IQGAP2: variants seen among roughly 807,000 people sequenced by gnomAD.
The protein encoded by IQGAP2 is ras GTPase-activating-like protein IQGAP2.
A neutral mutation model predicts 201.3 loss-of-function variants in IQGAP2; 173 were observed. The ratio of observed to expected loss-of-function variants is 0.86; its 90% CI spans 0.76 to 0.98. IQGAP2 has a LOEUF of 0.98. Among genes scored for constraint, IQGAP2 ranks in the 50% least tolerant of loss-of-function variants. The probability of loss-of-function intolerance (pLI) is 0.00; values close to 1 mark genes in which losing one functional copy is unlikely to be tolerated. For synonymous variants in IQGAP2, 675 were observed against 673.9 expected (o/e 1.00, Z -0.03); for missense variants, 1,687 against 1,864.8 (o/e 0.90, Z 1.76).
chr5:76,560,647 A>G (rs1483952395), intron 2 of IQGAP2, among the ~76,000 whole-genome samples: 2 of 152,158 alleles, frequency 1.3e-5, no homozygotes, highest in Non-Finnish European at 2.9e-5. Flanking sequence ...CTTTACTCCC[A>G]AACTTTTTCT....
intron 13 of IQGAP2, among the ~76,000 whole-genome samples, chr5:76,620,940 T>C (rs1009834898): frequency 6.6e-6 from 1 of 152,230 alleles, no homozygotes; most frequent in Non-Finnish European, 1.5e-5. Flanking sequence ...AGCTCAAACC[T>C]GAACATTTAT....
chr5:76,464,602 G>T (rs1754670699), intron 2 of IQGAP2, among the ~76,000 whole-genome samples: 1 of 152,122 alleles, frequency 6.6e-6, no homozygotes, highest in Non-Finnish European at 1.5e-5. Flanking sequence ...AAGGTATCTA[G>T]TTTGTATATC....
At chr5:76,404,196 T>A (rs1184784960) in intron 1 of IQGAP2, among the ~76,000 whole-genome samples, 1 of 148,418 alleles carries the variant, frequency 6.7e-6, no homozygotes, top group African/African-American at 2.5e-5. Context: ...CCCGCTCCCC[T>A]CGCGCGGGAG....
intron 27 of IQGAP2, among the ~76,000 whole-genome samples, chr5:76,675,817 A>T (rs773487183): frequency 6.6e-6 from 1 of 152,024 alleles, no homozygotes; most frequent in Non-Finnish European, 1.5e-5. Flanking sequence ...AAATCCTCCT[A>T]CTACAGAAAG....
intron 30 of IQGAP2, among the ~76,000 whole-genome samples, chr5:76,685,081 C>G (rs1362005259): frequency 6.6e-6 from 1 of 152,152 alleles, no homozygotes; most frequent in Non-Finnish European, 1.5e-5. Flanking sequence ...GTGGAGAGCA[C>G]AGTTCGACAG....
chr5:76,617,883 A>G, intron 13 of IQGAP2: 1 of 1,614,166 alleles, frequency 6.2e-7, no homozygotes, highest in Non-Finnish European at 8.5e-7. Flanking sequence ...GATAAGCACA[A>G]ATGGAATTAA....
At chr5:76,688,185 A>T (rs191232302) in intron 30 of IQGAP2, among the ~76,000 whole-genome samples, 3 of 152,370 alleles carry the variant, frequency 2.0e-5, no homozygotes, top group African/African-American at 7.2e-5. Flanking sequence ...TTTATAAGTT[A>T]TGAAGTGGAC....
chr5:76,571,760 A>G (rs1745132941), intron 4 of IQGAP2, among the ~76,000 whole-genome samples: 2 of 152,240 alleles, frequency 1.3e-5, no homozygotes, highest in South Asian at 2.1e-4. Context: ...TAGTACTTCT[A>G]TGTTTATCCT....
intron 2 of IQGAP2, among the ~76,000 whole-genome samples, chr5:76,518,317 T>G (rs1035717712): frequency 6.6e-6 from 1 of 152,140 alleles, no homozygotes; most frequent in African/African-American, 2.4e-5. Context: ...AGCCTCAAGA[T>G]CATTGCAGAC....
intron 2 of IQGAP2, among the ~76,000 whole-genome samples, chr5:76,520,727 G>A (rs865880569): frequency 9.1e-5 from 7 of 76,864 alleles, no homozygotes; most frequent in Admixed American, 3.3e-4. Context: ...TTTTTGAAAC[G>A]GAGTCTCACT....
At chr5:76,536,558 A>G (rs1759632980) in intron 2 of IQGAP2, among the ~76,000 whole-genome samples, 1 of 151,560 alleles carries the variant, frequency 6.6e-6, no homozygotes, top group South Asian at 2.1e-4. Context: ...TCAGGAGTTC[A>G]AGACCAGCCT....
intron 1 of IQGAP2, among the ~76,000 whole-genome samples, chr5:76,457,952 G>A (rs543532736): frequency 1.3e-5 from 2 of 152,252 alleles, no homozygotes; most frequent in African/African-American, 4.8e-5. Flanking sequence ...TGTGGTTCAC[G>A]GCAGCAAGTA....
rs1347214505 is a variant in IQGAP2 at position 76,610,786 on chromosome 5, ATATT to A, written c.1358-226_1358-223del. 2.6e-5 allele frequency among the ~76,000 whole-genome samples: 4 copies of A among 152,168 alleles called. No homozygotes were observed. In the East Asian group the frequency reaches 5.8e-4, roughly 22 times the overall value. ...GTTTCTTTCATTAAATTATGTCTAA[ATATT>A]TATTTATAATTATAATGTATTTGTA... On this transcript the variant is annotated intron_variant, in intron 12 of 35. Coordinates refer to ENST00000274364, the MANE Select transcript of IQGAP2 (RefSeq NM_006633.5).
intron 30 of IQGAP2, among the ~76,000 whole-genome samples, chr5:76,685,351 GCTTTGTC>G: frequency 6.6e-6 from 1 of 152,122 alleles, no homozygotes; most frequent in East Asian, 1.9e-4. Context: ...GATCTCATAA[GCTTTGTC>G]CTTTAGAAGT....
chr5:76,626,617 G>A (rs1750263444), intron 13 of IQGAP2, among the ~76,000 whole-genome samples: 2 of 152,046 alleles, frequency 1.3e-5, no homozygotes, highest in South Asian at 2.1e-4. Flanking sequence ...TTAGGTCCTT[G>A]AGGACAATCA....
At chr5:76,567,993 A>G (rs780160322) in intron 3 of IQGAP2, among the ~76,000 whole-genome samples, 1 of 152,204 alleles carries the variant, frequency 6.6e-6, no homozygotes, top group Non-Finnish European at 1.5e-5. Context: ...ATCTAATAGT[A>G]ATATACAGGA....
intron 4 of IQGAP2, among the ~76,000 whole-genome samples, chr5:76,572,533 A>T (rs1745187641): frequency 6.6e-6 from 1 of 152,068 alleles, no homozygotes; most frequent in Non-Finnish European, 1.5e-5. Context: ...TATGTAGGAT[A>T]ACCCCCCGAG....
At chr5:76,421,814 C>T (rs985749022) in intron 1 of IQGAP2, among the ~76,000 whole-genome samples, 7 of 152,146 alleles carry the variant, frequency 4.6e-5, no homozygotes, top group African/African-American at 1.7e-4. Context: ...AACAAAGTAA[C>T]AGGCTGCCTC....
In IQGAP2 at chr5:76,562,543, A is replaced by G. The variant is rs750222116; in HGVS notation, c.294A>G (p.Thr98=). Reference sequence around the variant, plus strand: ...AAAAGATCTATGATGTGGAACAAACACGTTATAAGGTAACCAAGATCTAAT... The same window carrying G: ...AAAAGATCTATGATGTGGAACAAACGCGTTATAAGGTAACCAAGATCTAAT... ...SEKKIYDVEQ[T]RYKKSGLHFR... Residue 98 remains threonine, a synonymous_variant, in exon 3 of 36, where the codon ACA becomes ACG. Coordinates refer to ENST00000274364, the MANE Select transcript of IQGAP2 (RefSeq NM_006633.5). 3 of 1,613,462 alleles carry G rather than the reference A, an allele frequency of 1.9e-6. No homozygotes were observed. In the Admixed American group the frequency reaches 5.0e-5, roughly 27 times the overall value.
Sources: gnomAD v4.1 joint callset for allele counts (sites outside exome capture counted in the v4.1 genomes callset) on GRCh38, gnomAD v4.1.1 for gene constraint, MANE v1.5 for transcripts, NCBI Gene and HGNC (gene_info 2026-07-23, HGNC 2026-07-21) for gene names.